Variants in MIPEP observed in about 807,000 individuals in gnomAD.
MIPEP encodes the protein mitochondrial intermediate peptidase.
Under a neutral mutation model 90.3 loss-of-function variants are expected in MIPEP, and 79 were observed. The ratio of observed to expected loss-of-function variants is 0.87; its 90% CI spans 0.73 to 1.05. The LOEUF is 1.05. Ranked by LOEUF, MIPEP falls within the 50% of genes least tolerant of loss-of-function variation. The pLI is 0.00. For synonymous variants in MIPEP, 334 were observed against 315.8 expected (o/e 1.06, Z -0.61); for missense variants, 940 against 905.6 (o/e 1.04, Z -0.49).
At chr13:23,778,673 C>A (rs1952743671) in intron 16 of MIPEP, among the ~76,000 whole-genome samples, 1 of 151,438 alleles carries the variant, frequency 6.6e-6, no homozygotes, top group Non-Finnish European at 1.5e-5. Context: ...CCGTTTTTTT[C>A]AATTCCCCTT....
At chr13:23,809,126 C>G (rs1010609548) in intron 15 of MIPEP, among the ~76,000 whole-genome samples, 1 of 152,144 alleles carries the variant, frequency 6.6e-6, no homozygotes, top group African/African-American at 2.4e-5. Context: ...GTCTTCATCT[C>G]AAAACCTGGG....
At chr13:23,826,898 C>A (rs1012586674) in intron 14 of MIPEP, among the ~76,000 whole-genome samples, 1 of 152,092 alleles carries the variant, frequency 6.6e-6, no homozygotes, top group Non-Finnish European at 1.5e-5. Context: ...AACCATGAGT[C>A]AAAAATATTT....
chr13:23,825,248 G>GT (rs921562439), intron 14 of MIPEP, among the ~76,000 whole-genome samples: 2 of 152,184 alleles, frequency 1.3e-5, no homozygotes, highest in African/African-American at 4.8e-5. Flanking sequence ...AACACTGAAA[G>GT]TAAGAAAAGT....
chr13:23,762,932 C>T (rs1952563756), intron 16 of MIPEP, among the ~76,000 whole-genome samples: 1 of 152,180 alleles, frequency 6.6e-6, no homozygotes, highest in Non-Finnish European at 1.5e-5. Flanking sequence ...AAAATGTGGC[C>T]TGCACAGTCT....
chr13:23,741,982 G>C (rs1952335329), intron 18 of MIPEP, among the ~76,000 whole-genome samples: 1 of 152,168 alleles, frequency 6.6e-6, no homozygotes, highest in Admixed American at 6.5e-5. Flanking sequence ...CAAAAAAAGA[G>C]CCTCAGGCTC....
intron 17 of MIPEP, among the ~76,000 whole-genome samples, chr13:23,757,178 T>C (rs1248082562): frequency 6.6e-6 from 1 of 152,116 alleles, no homozygotes; most frequent in African/African-American, 2.4e-5. Context: ...TGACAGATCA[T>C]CAGGCCTCAG....
chr13:23,820,966 G>A (rs1013079811), intron 14 of MIPEP, among the ~76,000 whole-genome samples: 1 of 152,158 alleles, frequency 6.6e-6, no homozygotes, highest in Admixed American at 6.5e-5. Flanking sequence ...AAAATAGCCA[G>A]CATCCAACAC....
At chr13:23,824,618 C>T (rs1242806380) in intron 14 of MIPEP, among the ~76,000 whole-genome samples, 5 of 152,232 alleles carry the variant, frequency 3.3e-5, no homozygotes, top group Non-Finnish European at 7.3e-5. Flanking sequence ...CACAGCACTG[C>T]ATTTCCTCAC....
At chr13:23,875,530 CTTTT>C (rs548725844) in intron 4 of MIPEP, among the ~76,000 whole-genome samples, 1 of 142,178 alleles carries the variant, frequency 7.0e-6, no homozygotes, top group East Asian at 2.0e-4. Flanking sequence ...AGTGTAACAC[CTTTT>C]TTTTTTTGTC....
intron 18 of MIPEP, 134 bp downstream of exon 18, chr13:23,756,411 C>G: frequency 1.2e-6 from 1 of 861,828 alleles, no homozygotes; most frequent in Non-Finnish European, 1.9e-6. Context: ...CTCCTTGGGG[C>G]CTCCCAAAGT....
At chr13:23,732,280 T>G (rs530831284) in intron 18 of MIPEP, among the ~76,000 whole-genome samples, 2 of 152,130 alleles carry the variant, frequency 1.3e-5, no homozygotes, top group Non-Finnish European at 2.9e-5. Flanking sequence ...TGAGCCACTG[T>G]GCTACACCAA....
chr13:23,810,049 A>C (rs1373593181), intron 14 of MIPEP, 125 bp from the exon 15 acceptor site: 3 of 534,320 alleles, frequency 5.6e-6, no homozygotes, highest in Non-Finnish European at 9.7e-6. Flanking sequence ...ATTATAGTTT[A>C]AAAATAATAA....
intron 15 of MIPEP, among the ~76,000 whole-genome samples, chr13:23,806,570 C>T (rs1311546404): frequency 2.0e-5 from 3 of 151,470 alleles, no homozygotes; most frequent in Non-Finnish European, 4.4e-5. Context: ...CCCAGCTACT[C>T]GGGAGGCTGA....
chr13:23,849,253 A>G (rs1313173788), intron 10 of MIPEP, among the ~76,000 whole-genome samples: 1 of 152,228 alleles, frequency 6.6e-6, no homozygotes, highest in Non-Finnish European at 1.5e-5. Flanking sequence ...GACCCAAGAC[A>G]GTGGGAAAGC....
At chr13:23,776,665 T>A (rs561850439) in intron 16 of MIPEP, among the ~76,000 whole-genome samples, 1 of 152,280 alleles carries the variant, frequency 6.6e-6, no homozygotes, top group East Asian at 1.9e-4. Context: ...TTCTAAAACA[T>A]CTCTATCGGA....
chr13:23,837,686 AG>A lies in MIPEP; in HGVS notation c.1408del (p.Met471CysfsTer2), dbSNP rs764383422. On this transcript the variant is annotated frameshift_variant, in exon 13 of 19. Coordinates refer to ENST00000382172, the MANE Select transcript of MIPEP (RefSeq NM_005932.4). LOFTEE classifies it high-confidence loss of function. ...TGAGGAACGGGGAAGATTCAGCATA[AG>A]AACTACAACTGGGAGTTGATAGTCT... ...DGDYQLPVVV[L>X]MLNLPRSSRS... 3 of 1,614,210 alleles carry A rather than the reference AG, an allele frequency of 1.9e-6. No individual in the cohort carries two copies. The highest frequency in any genetic ancestry group is 2.5e-6 in the Non-Finnish European group (3 of 1,180,010).
intron 14 of MIPEP, among the ~76,000 whole-genome samples, chr13:23,832,033 A>G (rs898859134): frequency 2.0e-5 from 3 of 151,836 alleles, no homozygotes; most frequent in Non-Finnish European, 2.9e-5. Context: ...CCCCTCCAAA[A>G]CCCATGTTGA....
At chr13:23,800,381 G>C (rs1296051785) in intron 16 of MIPEP, among the ~76,000 whole-genome samples, 4 of 152,142 alleles carry the variant, frequency 2.6e-5, no homozygotes, top group African/African-American at 9.7e-5. Context: ...CAATCGCTTA[G>C]GGAAAATATT....
chr13:23,825,805 C>T (rs1260588612), intron 14 of MIPEP, among the ~76,000 whole-genome samples: 1 of 152,094 alleles, frequency 6.6e-6, no homozygotes, highest in Admixed American at 6.6e-5. Flanking sequence ...ACAGTTAGTC[C>T]ATACAGTGTG....
Sources: gnomAD v4.1 joint callset for allele counts (sites outside exome capture counted in the v4.1 genomes callset) on GRCh38, gnomAD v4.1.1 for gene constraint, MANE v1.5 for transcripts, NCBI Gene and HGNC (gene_info 2026-07-23, HGNC 2026-07-21) for gene names.